HMCN1: variants seen among roughly 807,000 people sequenced by gnomAD.
HMCN1 encodes the protein hemicentin 1, also known as hemicentin-1.
In HMCN1, 321 loss-of-function variants were observed where a neutral mutation model predicts 625.9. The observed-to-expected ratio is 0.51, with a 90% CI of 0.47 to 0.56. HMCN1 has a LOEUF of 0.56. Ranked by LOEUF, HMCN1 falls within the 20% of genes least tolerant of loss-of-function variation. The probability of loss-of-function intolerance (pLI) is 0.00; values close to 1 mark genes in which losing one functional copy is unlikely to be tolerated. For missense variants in HMCN1, 6,588 were observed against 6,887.3 expected (o/e 0.96, Z 1.54); for synonymous variants, 2,425 against 2,417.6 (o/e 1.00, Z -0.09).
chr1:186,108,482 C>T lies in HMCN1; in HGVS notation c.10874C>T (p.Thr3625Ile). The change falls in exon 71 of 107, where the codon ACT becomes ATT. Residue 3625 changes from threonine (T) to isoleucine (I), a missense_variant. This residue lies in a region of HMCN1 where 4,628 missense variants were observed against 4,853.1 expected (regional missense o/e 0.95). Transcript: ENST00000271588. ...CCAGTACCTCCTAATATTGCTGGAA[C>T]TGATGAGCCCCGGGATATCACTGTG... ...RVHVPPNIAG[T>I]DEPRDITVLR... is the part of the protein sequence containing the mutation. 3 of 1,614,080 alleles carry T rather than the reference C, an allele frequency of 1.9e-6. No individual in the cohort carries two copies. Among genetic ancestry groups the T allele is most frequent in the Non-Finnish European group, 2.5e-6 (3 of 1,180,008 alleles).
intron 6 of HMCN1, among the ~76,000 whole-genome samples, chr1:185,921,888 A>C (rs758470553): frequency 2.0e-4 from 30 of 152,226 alleles, no homozygotes; most frequent in Non-Finnish European, 4.3e-4. Flanking sequence ...TGCTGAGCTG[A>C]GGATGCCAGG....
intron 1 of HMCN1, among the ~76,000 whole-genome samples, chr1:185,831,987 T>C (rs1270043159): frequency 1.3e-5 from 2 of 152,192 alleles, no homozygotes; most frequent in South Asian, 2.1e-4. Flanking sequence ...TTTTTGGATA[T>C]AGATTGGCTG....
intron 87 of HMCN1, 115 bp downstream of exon 87, chr1:186,137,052 A>G (rs1156400916): frequency 8.0e-7 from 1 of 1,252,490 alleles, no homozygotes; most frequent in South Asian, 1.2e-5. Context: ...CTTTTAGATG[A>G]TGGGGAGAGG....
At chr1:185,877,321 CTTTTTTTTTTTTTTTTT>C (rs71557837) in intron 4 of HMCN1, among the ~76,000 whole-genome samples, 4 of 34,874 alleles carry the variant, frequency 1.1e-4, no homozygotes, top group Non-Finnish European at 1.6e-4. Flanking sequence ...ATGTGTCTTT[CTTTTTTTTTTTTTTTTT>C]TTTTTTTTTT....
At chr1:185,964,551 G>C (rs149394436) in intron 13 of HMCN1, among the ~76,000 whole-genome samples, 45 of 152,216 alleles carry the variant, frequency 3.0e-4, no homozygotes, top group African/African-American at 1.0e-3. Flanking sequence ...TAAAGATAGA[G>C]AATTGTACTT....
intron 9 of HMCN1, 88 bp from the exon 10 acceptor site, chr1:185,928,458 A>C: frequency 8.9e-7 from 1 of 1,118,358 alleles, no homozygotes; most frequent in South Asian, 1.2e-5. Context: ...GTTCTTTTGA[A>C]TGAACCTTCA....
intron 36 of HMCN1, among the ~76,000 whole-genome samples, chr1:186,037,557 T>A (rs904380796): frequency 9.2e-5 from 14 of 152,194 alleles, no homozygotes; most frequent in African/African-American, 3.4e-4. Flanking sequence ...TTTGAGATGT[T>A]GATTTCTTCT....
intron 81 of HMCN1, among the ~76,000 whole-genome samples, chr1:186,123,483 A>G (rs774123349): frequency 5.3e-5 from 8 of 152,084 alleles, no homozygotes; most frequent in Admixed American, 1.3e-4. Context: ...GTACCCTCAC[A>G]TATTGTGATT....
intron 1 of HMCN1, among the ~76,000 whole-genome samples, chr1:185,788,131 A>C (rs372964039): frequency 1.3e-4 from 20 of 152,214 alleles, no homozygotes; most frequent in Middle Eastern, 3.4e-3. Context: ...AATGTATGCT[A>C]TTATCTTCTA....
chr1:186,075,270 G>A (rs1176251594), intron 53 of HMCN1, among the ~76,000 whole-genome samples: 1 of 151,798 alleles, frequency 6.6e-6, no homozygotes, highest in African/African-American at 2.4e-5. Context: ...TCCACTACTG[G>A]GCATATTATC....
intron 4 of HMCN1, 151 bp from the exon 5 acceptor site, chr1:185,909,186 A>C (rs1398011090): frequency 1.6e-6 from 1 of 626,930 alleles, no homozygotes; most frequent in Non-Finnish European, 2.8e-6. Context: ...AGAATTAGAA[A>C]GAGTCCTATC....
intron 104 of HMCN1, among the ~76,000 whole-genome samples, chr1:186,180,787 A>G (rs1365640311): frequency 1.3e-5 from 2 of 152,162 alleles, no homozygotes. Flanking sequence ...GAGGCAATTC[A>G]TAGGCTTAAA....
In HMCN1 at chr1:185,845,056, G is replaced by A. The variant is rs115990586; in HGVS notation, c.269-970G>A. On this transcript the variant is annotated intron_variant, in intron 1 of 106. Coordinates refer to ENST00000271588, the MANE Select transcript of HMCN1 (RefSeq NM_031935.3). The stretch of plus-strand genomic sequence containing the variant: ...GTGATTTTGTGTAGTACATCTGGGC[G>A]GTTGTGAGGATGGCCACAGCCCTGA... 6.6e-3 allele frequency among the ~76,000 whole-genome samples: 1,008 copies of A among 152,278 alleles called. 5 individuals are homozygous for A. Among genetic ancestry groups the A allele is most frequent in the African/African-American group, 0.017 (694 of 41,554 alleles).
Position 186,107,989 on chromosome 1 carries a change from G to A in HMCN1, c.10853-472G>A, listed in dbSNP as rs73040697. Among the ~76,000 whole-genome samples the A allele has an allele frequency of 7.7e-3, 1,068 of 138,620 alleles. 13 individuals are homozygous for A. Among genetic ancestry groups the A allele is most frequent in the African/African-American group, 0.028 (1,031 of 36,732 alleles). The allele number at this position is 138,620 out of a possible 152,430, so 90.9% of individuals were successfully genotyped here. On this transcript the variant is annotated intron_variant, in intron 70 of 106. Transcript: ENST00000271588. ...GCAGCGCAAACTGTCTGGGATTTAAGTGCCCCCATCATCCCACATACAAAT... is the reference window on the plus strand; with the variant it reads ...GCAGCGCAAACTGTCTGGGATTTAAATGCCCCCATCATCCCACATACAAAT...
In HMCN1 at chr1:186,093,063, A is replaced by G. The variant is rs1206884448; in HGVS notation, c.9888-71A>G. The G allele has an allele frequency of 1.9e-6, 3 of 1,598,186 alleles. No individual in the cohort carries two copies. In the African/African-American group the frequency reaches 4.0e-5, roughly 21 times the overall value. ...CCATCACTTTCAGTAACTGATTTTA[A>G]TAGGCTTTCATGTACTTAGTGAAAT... On this transcript the variant is annotated intron_variant, in intron 64 of 106. Transcript: ENST00000271588.
intron 4 of HMCN1, among the ~76,000 whole-genome samples, chr1:185,880,360 T>A (rs1055688164): frequency 1.3e-5 from 2 of 152,172 alleles, no homozygotes; most frequent in Non-Finnish European, 1.5e-5. Flanking sequence ...GATGGCCAAA[T>A]TTAATGTAGA....
chr1:186,022,762 T>A (rs1654801838), intron 35 of HMCN1, among the ~76,000 whole-genome samples: 1 of 152,156 alleles, frequency 6.6e-6, no homozygotes, highest in African/African-American at 2.4e-5. Flanking sequence ...TAAAGTCTTT[T>A]ATTCAGTATG....
intron 71 of HMCN1, among the ~76,000 whole-genome samples, chr1:186,112,433 C>G (rs1369145556): frequency 6.6e-6 from 1 of 152,240 alleles, no homozygotes. Context: ...CAGCCTGTTT[C>G]CACATGATAA....
At chr1:186,098,639 A>T (rs549304982) in intron 68 of HMCN1, among the ~76,000 whole-genome samples, 2 of 152,212 alleles carry the variant, frequency 1.3e-5, no homozygotes, top group South Asian at 4.1e-4. Context: ...TCCTAAAAAA[A>T]TTAAGAATAG....
Sources: allele counts gnomAD v4.1 joint callset (sites outside exome capture counted in the v4.1 genomes callset), GRCh38; gene constraint gnomAD v4.1.1; regional missense constraint gnomAD v4.1.1; transcripts MANE v1.5; gene names NCBI Gene and HGNC (gene_info 2026-07-23, HGNC 2026-07-21).